The following DSE variants were observed in gnomAD, a reference collection of about 807,000 sequenced individuals.
DSE encodes the protein dermatan sulfate epimerase.
Under a neutral mutation model 84.4 loss-of-function variants are expected in DSE, and 36 were observed. The observed-to-expected ratio is 0.43, with a 90% CI of 0.33 to 0.56. The LOEUF (loss-of-function observed/expected upper bound fraction) is 0.56. DSE is among the 20% of genes least tolerant of loss of function. DSE has a pLI of 0.06. For synonymous variants in DSE, 410 were observed against 430.1 expected, an observed-to-expected ratio of 0.95 and a Z score of 0.58; for missense variants, 862 against 1,169.6, an observed-to-expected ratio of 0.74 and a Z score of 3.84.
At chr6:116,357,840 G>C (rs1778665146) in intron 2 of DSE, among the ~76,000 whole-genome samples, 1 of 152,164 alleles carries the variant, frequency 6.6e-6, no homozygotes, top group African/African-American at 2.4e-5. Context: ...ATTTTTCAAA[G>C]TCAGTGCAGA....
Position 116,279,464 on chromosome 6 carries a change from T to C in DSE, c.-54+20497T>C, listed in dbSNP as rs763849797. ...GCCTTCTCTCCACCCTGAACGCCCT[T>C]TTTCAGGCTGCGGTCGGCTGCCATC... On this transcript the variant is annotated intron_variant, in intron 2 of 3. Transcript: ENST00000430252. 6 of 1,612,922 alleles carry C rather than the reference T, an allele frequency of 3.7e-6. No homozygotes were observed. The Admixed American group carries it at 8.3e-5, about 22-fold the overall frequency.
At chr6:116,411,545 A>G (rs1287752778) in intron 2 of DSE, among the ~76,000 whole-genome samples, 3 of 152,106 alleles carry the variant, frequency 2.0e-5, no homozygotes, top group African/African-American at 7.2e-5. Context: ...GCTTGTAACA[A>G]CTTAGTGAGC....
At chr6:116,408,708 T>A (rs1357524787) in intron 2 of DSE, among the ~76,000 whole-genome samples, 9 of 152,322 alleles carry the variant, frequency 5.9e-5, no homozygotes, top group Non-Finnish European at 1.2e-4. Context: ...GGATTTGACA[T>A]CTTGGTGCAT....
chr6:116,385,860 C>T (rs1780550265), intron 1 of DSE, among the ~76,000 whole-genome samples: 1 of 150,638 alleles, frequency 6.6e-6, no homozygotes, highest in South Asian at 2.1e-4. Flanking sequence ...TACTTGAAGT[C>T]TGGAAAAATG....
intron 2 of DSE, among the ~76,000 whole-genome samples, chr6:116,297,593 A>G (rs773792404): frequency 6.6e-6 from 1 of 152,198 alleles, no homozygotes; most frequent in Admixed American, 6.5e-5. Flanking sequence ...GGATTATTTG[A>G]TTTGTTAGAC....
intron 2 of DSE, among the ~76,000 whole-genome samples, chr6:116,292,947 A>G (rs368525181): frequency 6.6e-6 from 1 of 152,346 alleles, no homozygotes; most frequent in East Asian, 1.9e-4. Context: ...CCAGTTGCCA[A>G]CAGTGGTGAT....
chr6:116,395,170 A>G lies in DSE; in HGVS notation c.-53-4028A>G, dbSNP rs547605875. On this transcript the variant is annotated intron_variant, in intron 1 of 5. Transcript: ENST00000644252. The stretch of plus-strand genomic sequence containing the variant: ...GCTGGGCGCGGTGGCGCACGCCTGT[A>G]ATCCCAGCACTTTGGGAGGCCGAGG... 2.7e-5 allele frequency among the ~76,000 whole-genome samples: 4 copies of G among 150,786 alleles called. No homozygotes were observed. The East Asian group carries it at 7.9e-4, about 30-fold the overall frequency.
At chr6:116,270,907 C>T (rs1338177155) in intron 2 of DSE, among the ~76,000 whole-genome samples, 1 of 152,154 alleles carries the variant, frequency 6.6e-6, no homozygotes, top group East Asian at 1.9e-4. Context: ...TCCTGAGCCC[C>T]TATTTCCCTA....
At chr6:116,424,057 G>C (rs1783265822) in intron 2 of DSE, among the ~76,000 whole-genome samples, 1 of 152,164 alleles carries the variant, frequency 6.6e-6, no homozygotes, top group African/African-American at 2.4e-5. Flanking sequence ...ACATGTGAGG[G>C]TTTACTGGCT....
intron 2 of DSE, among the ~76,000 whole-genome samples, chr6:116,358,610 C>A (rs1385166914): frequency 6.6e-6 from 1 of 152,204 alleles, no homozygotes; most frequent in African/African-American, 2.4e-5. Context: ...ACTCCAACTA[C>A]TGCAGAATTT....
In DSE at chr6:116,438,656, C is replaced by CAT. The variant is rs368570697; in HGVS notation, c.*1316_*1317dup. 2 of 152,106 alleles carry CAT rather than the reference C, an allele frequency of 1.3e-5. No individual in the cohort carries two copies. The highest frequency in any genetic ancestry group is 2.9e-5 in the Non-Finnish European group (2 of 68,004). The allele number at this position is 152,106 out of a possible 1,614,324, so 9.4% of individuals were successfully genotyped here. On this transcript the variant is annotated 3_prime_UTR_variant, in exon 6 of 6. Coordinates refer to ENST00000644252, the MANE Select transcript of DSE (RefSeq NM_013352.4). The stretch of plus-strand genomic sequence containing the variant: ...TATCATACATTCAGCATATTTGAGT[C>CAT]ATATATTTCTCCTTTGAAACAAAAT...
rs147683614 is a variant in DSE, at chr6:116,399,459, G to A, written c.209G>A (p.Arg70His). The change falls in exon 2 of 6, where the codon CGC becomes CAC. Residue 70 changes from arginine (R) to histidine (H), a missense_variant. By Grantham distance (29) the Arg-to-His change is conservative (BLOSUM62 0). Around this residue, in one of 4 missense-constraint regions of DSE, gnomAD observed 309 missense variants for 516.9 expected, o/e 0.60. Coordinates refer to ENST00000644252, the MANE Select transcript of DSE (RefSeq NM_013352.4). ...AGCTCGCACGAGCACATTGCAGCCC[G>A]CCTCACGGAGGCTGTGCACACGATG... The part of the protein sequence containing the change: ...AASSHEHIAA[R>H]LTEAVHTMLS... 6,761 of 1,614,186 alleles carry A rather than the reference G, an allele frequency of 4.2e-3. 162 individuals carry two copies. Among genetic ancestry groups the A allele is most frequent in the South Asian group, 0.039 (3,514 of 91,084 alleles).
At chr6:116,348,767 C>G (rs1359795842) in intron 2 of DSE, among the ~76,000 whole-genome samples, 1 of 152,184 alleles carries the variant, frequency 6.6e-6, no homozygotes, top group Admixed American at 6.5e-5. Context: ...ACATGTGGCA[C>G]ATATACACCA....
chr6:116,282,295 T>C (rs946899098), intron 2 of DSE, among the ~76,000 whole-genome samples: 2 of 152,242 alleles, frequency 1.3e-5, no homozygotes, highest in Admixed American at 6.5e-5. Context: ...CATCTTCTAT[T>C]TTGAACTGGT....
chr6:116,335,439 C>T (rs183471464), intron 2 of DSE, among the ~76,000 whole-genome samples: 127 of 152,192 alleles, frequency 8.3e-4, no homozygotes, highest in Non-Finnish European at 1.4e-3. Context: ...GGCTTAATAC[C>T]TGGGTGACAA....
chr6:116,317,620 TG>T (rs1194540120), intron 2 of DSE, among the ~76,000 whole-genome samples: 2 of 152,258 alleles, frequency 1.3e-5, no homozygotes, highest in Admixed American at 1.3e-4. Context: ...GTGTGTGTGT[TG>T]TTTGTATCAT....
chr6:116,273,810 A>G (rs4946150), intron 2 of DSE, among the ~76,000 whole-genome samples: 42,714 of 150,456 alleles, frequency 0.28, 7,294 homozygotes, highest in East Asian at 0.68. Flanking sequence ...ACAGACCACT[A>G]ATTTTCAAAA....
At chr6:116,390,002 A>G (rs1053097948) in intron 1 of DSE, among the ~76,000 whole-genome samples, 1 of 150,456 alleles carries the variant, frequency 6.6e-6, no homozygotes, top group African/African-American at 2.4e-5. Flanking sequence ...TTTTGTTTAT[A>G]GTTATTTAGG....
chr6:116,289,432 G>T (rs1049159943), intron 2 of DSE, among the ~76,000 whole-genome samples: 7 of 151,910 alleles, frequency 4.6e-5, no homozygotes, highest in Admixed American at 4.6e-4. Context: ...GCAATTTCAT[G>T]CAAAGGAAAT....
Sources: allele counts gnomAD v4.1 joint callset (sites outside exome capture counted in the v4.1 genomes callset), GRCh38; gene constraint gnomAD v4.1.1; regional missense constraint gnomAD v4.1.1; transcripts MANE v1.5; gene names NCBI Gene and HGNC (gene_info 2026-07-23, HGNC 2026-07-21).